Variants in ADGRL3 observed in about 807,000 individuals in gnomAD.
ADGRL3 encodes the protein calcium-independent alpha-latrotoxin receptor 3.
Under a neutral mutation model 153.5 loss-of-function variants are expected in ADGRL3, and 62 were observed. The observed-to-expected ratio is 0.40, with a 90% CI of 0.33 to 0.50. ADGRL3 has a LOEUF of 0.50. Among genes scored for constraint, ADGRL3 ranks in the 20% least tolerant of loss-of-function variants. ADGRL3 has a pLI of 0.47. For synonymous variants in ADGRL3, 710 were observed against 672.5 expected (o/e 1.06, Z -0.86); for missense variants, 1,641 against 1,859.4 (o/e 0.88, Z 2.16).
At chr4:61,315,377 G>T (rs182657147) in intron 1 of ADGRL3, among the ~76,000 whole-genome samples, 1 of 152,120 alleles carries the variant, frequency 6.6e-6, no homozygotes, top group Admixed American at 6.5e-5. Flanking sequence ...AGGTCCTGTC[G>T]AACTGCTTAT....
intron 9 of ADGRL3, among the ~76,000 whole-genome samples, chr4:61,888,122 T>A (rs1581311652): frequency 6.6e-6 from 1 of 151,852 alleles, no homozygotes; most frequent in South Asian, 2.1e-4. Flanking sequence ...TAAGAAGGAG[T>A]TTTGTTTAGT....
chr4:61,829,065 G>A (rs1487072874), intron 9 of ADGRL3, among the ~76,000 whole-genome samples: 2 of 152,126 alleles, frequency 1.3e-5, no homozygotes, highest in East Asian at 1.9e-4. Flanking sequence ...AACATGTGTG[G>A]TACTTTATCA....
At chr4:61,746,034 C>T (rs1179304925) in intron 8 of ADGRL3, among the ~76,000 whole-genome samples, 1 of 151,476 alleles carries the variant, frequency 6.6e-6, no homozygotes, top group South Asian at 2.1e-4. Flanking sequence ...AAATGGAAAA[C>T]AAAAAAAGGC....
At chr4:61,903,257 C>T (rs1364317005) in intron 11 of ADGRL3, among the ~76,000 whole-genome samples, 1 of 152,064 alleles carries the variant, frequency 6.6e-6, no homozygotes, top group Non-Finnish European at 1.5e-5. Context: ...ACCTTGTATC[C>T]CTCAACTTAC....
intron 6 of ADGRL3, among the ~76,000 whole-genome samples, chr4:61,717,905 A>G (rs2096155270): frequency 6.6e-6 from 1 of 152,020 alleles, no homozygotes; most frequent in Admixed American, 6.6e-5. Context: ...ATGGTGGTAC[A>G]TGCCTGTAGT....
chr4:62,061,198 AT>A (rs981751293), intron 25 of ADGRL3, among the ~76,000 whole-genome samples: 2 of 151,590 alleles, frequency 1.3e-5, no homozygotes, highest in East Asian at 1.9e-4. Flanking sequence ...TAGGAGTGGC[AT>A]TTTTTTTGTT....
chr4:61,956,615 C>T (rs2098967840), intron 17 of ADGRL3, among the ~76,000 whole-genome samples: 1 of 152,096 alleles, frequency 6.6e-6, no homozygotes, highest in South Asian at 2.1e-4. Context: ...TTTGCCCATG[C>T]TTATGTCCCA....
intron 2 of ADGRL3, among the ~76,000 whole-genome samples, chr4:61,416,872 T>C (rs1416964560): frequency 6.6e-6 from 1 of 152,190 alleles, no homozygotes; most frequent in African/African-American, 2.4e-5. Context: ...GAAATAATTA[T>C]ACTGCTCGCC....
intron 4 of ADGRL3, among the ~76,000 whole-genome samples, chr4:61,552,229 G>T (rs1045765804): frequency 6.6e-6 from 1 of 151,984 alleles, no homozygotes; most frequent in Non-Finnish European, 1.5e-5. Context: ...ATAACATCAG[G>T]CACTGTCTCA....
intron 3 of ADGRL3, among the ~76,000 whole-genome samples, chr4:61,513,972 T>C (rs1038748953): frequency 2.6e-5 from 4 of 152,164 alleles, no homozygotes; most frequent in Non-Finnish European, 4.4e-5. Flanking sequence ...GCCTTCAACT[T>C]ATGGTTAATG....
intron 9 of ADGRL3, among the ~76,000 whole-genome samples, chr4:61,881,942 T>C (rs2149487892): frequency 6.6e-6 from 1 of 152,326 alleles, no homozygotes; most frequent in Non-Finnish European, 1.5e-5. Flanking sequence ...CTTAACGCCC[T>C]TGGTATGTTT....
chr4:61,951,162 A>G (rs185520346), intron 17 of ADGRL3, among the ~76,000 whole-genome samples: 1 of 152,314 alleles, frequency 6.6e-6, no homozygotes, highest in Admixed American at 6.5e-5. Flanking sequence ...ACGAGTCTCA[A>G]TATCCTACAT....
At chr4:61,925,712 A>G (rs1005880631) in intron 13 of ADGRL3, among the ~76,000 whole-genome samples, 5 of 152,148 alleles carry the variant, frequency 3.3e-5, no homozygotes, top group Admixed American at 6.6e-5. Flanking sequence ...AGTGAGGACA[A>G]TACCAAACCA....
chr4:61,551,007 T>C (rs2098737741), intron 4 of ADGRL3, among the ~76,000 whole-genome samples: 1 of 152,148 alleles, frequency 6.6e-6, no homozygotes, highest in African/African-American at 2.4e-5. Flanking sequence ...TGTATGTGTG[T>C]GATTAGGCAC....
At chr4:61,625,276 A>G (rs1453277003) in intron 5 of ADGRL3, among the ~76,000 whole-genome samples, 2 of 152,078 alleles carry the variant, frequency 1.3e-5, no homozygotes, top group African/African-American at 4.8e-5. Context: ...GGGGTAGGCC[A>G]TATTGCTCTT....
At chr4:61,750,810 A>AAAAAAAAAAAGG (rs746270309) in intron 8 of ADGRL3, among the ~76,000 whole-genome samples, 37 of 147,158 alleles carry the variant, frequency 2.5e-4, no homozygotes, top group African/African-American at 8.7e-4. Context: ...AAAAAAAAAA[A>AAAAAAAAAAAGG]AAGTCAAAGC....
At chr4:61,867,185 A>T (rs753965050) in intron 9 of ADGRL3, among the ~76,000 whole-genome samples, 2 of 152,086 alleles carry the variant, frequency 1.3e-5, no homozygotes, top group Admixed American at 6.5e-5. Context: ...AAAAATTGGC[A>T]TCTAAACATA....
chr4:61,367,228 C>CT (rs554213066), intron 1 of ADGRL3, among the ~76,000 whole-genome samples: 26 of 146,714 alleles, frequency 1.8e-4, no homozygotes, highest in South Asian at 6.6e-4. Flanking sequence ...AAAACTGTCG[C>CT]TTTTTTTTTT....
intron 9 of ADGRL3, among the ~76,000 whole-genome samples, chr4:61,816,032 G>A (rs2097685109): frequency 2.0e-5 from 3 of 152,162 alleles, no homozygotes; most frequent in Non-Finnish European, 2.9e-5. Flanking sequence ...AAATAAATAT[G>A]AATTATAAAT....
Sources: allele counts gnomAD v4.1 joint callset (sites outside exome capture counted in the v4.1 genomes callset), GRCh38; gene constraint gnomAD v4.1.1; transcripts MANE v1.5; gene names NCBI Gene and HGNC (gene_info 2026-07-23, HGNC 2026-07-21).